The following AGL variants were observed in gnomAD, a reference collection of about 807,000 sequenced individuals.
AGL encodes amylo-alpha-1,6-glucosidase and 4-alpha-glucanotransferase.
A neutral mutation model predicts 199.3 loss-of-function variants in AGL; 128 were observed. The ratio of observed to expected loss-of-function variants is 0.64; its 90% confidence interval spans 0.56 to 0.74. The LOEUF (loss-of-function observed/expected upper bound fraction) is 0.74. Among genes scored for constraint, AGL ranks in the 30% least tolerant of loss-of-function variants. AGL has a pLI of 0.00. For missense variants in AGL, 1,809 were observed against 1,820.8 expected, an observed-to-expected ratio of 0.99 and a Z score of 0.12; for synonymous variants, 584 against 594.7, an observed-to-expected ratio of 0.98 and a Z score of 0.26.
At position 99,884,386 on chromosome 1, in the gene AGL, G is replaced by C. The variant is rs1323938645; in HGVS notation, c.2481G>C (p.Gly827=). 6 of 1,612,838 alleles carry C rather than the reference G, an allele frequency of 3.7e-6. No homozygotes were observed. Among genetic ancestry groups the C allele is most frequent in the Non-Finnish European group, 4.2e-6 (5 of 1,179,510 alleles). Reference sequence around the variant, plus strand: ...AACAAGCTGGAGTTGCCACAAAAGGGCCCAATGAATATATTCAAGAAATAG... The same window carrying C: ...AACAAGCTGGAGTTGCCACAAAAGGCCCCAATGAATATATTCAAGAAATAG... ...IVKQAGVATK[G]PNEYIQEIEF... The change falls in exon 19 of 34, where the codon GGG becomes GGC. Residue 827 remains glycine (G), a synonymous_variant. Coordinates refer to ENST00000361915, the MANE Select transcript of AGL (RefSeq NM_000642.3).
intron 4 of AGL, 109 bp from the exon 5 acceptor site, chr1:99,864,277 G>T: frequency 1.0e-6 from 1 of 999,516 alleles, no homozygotes; most frequent in Non-Finnish European, 1.5e-6. Context: ...TAGCATGCTT[G>T]CCTTGCTATT....
chr1:99,854,720 C>T (rs368600220), intron 2 of AGL, among the ~76,000 whole-genome samples: 2 of 148,432 alleles, frequency 1.3e-5, no homozygotes, highest in African/African-American at 2.5e-5. Context: ...GCTGAGATTG[C>T]GCCACTGCAC....
In AGL at chr1:99,864,457, CAGTT is replaced by C. The variant is rs794727706; in HGVS notation, c.535_538del (p.Leu179AsnfsTer2). On this transcript the variant is annotated frameshift_variant, in exon 5 of 34. Coordinates refer to ENST00000361915, the MANE Select transcript of AGL (RefSeq NM_000642.3). LOFTEE classifies it high-confidence loss of function. Reference sequence around the variant, plus strand: ...TAGGTCATGCTACTCCCTTGCCAATCAGTTAGAATTAAATCCTGACTTTTCAAGA... The same window carrying C: ...TAGGTCATGCTACTCCCTTGCCAATCAGAATTAAATCCTGACTTTTCAAGA... 4 of 1,613,602 alleles carry C rather than the reference CAGTT, an allele frequency of 2.5e-6. No homozygotes were observed. Among genetic ancestry groups the C allele is most frequent in the Middle Eastern group, 3.3e-4 (2 of 6,080 alleles).
At chr1:99,891,857 C>T (rs1652924612) in intron 23 of AGL, 118 bp downstream of exon 23, 1 of 1,181,066 alleles carries the variant, frequency 8.5e-7, no homozygotes, top group Non-Finnish European at 1.3e-6. Flanking sequence ...ACTGAAAAGG[C>T]TTGTAGGTGG....
At chr1:99,866,087 A>G (rs1034738534) in intron 5 of AGL, among the ~76,000 whole-genome samples, 2 of 152,162 alleles carry the variant, frequency 1.3e-5, no homozygotes, top group Admixed American at 6.5e-5. Context: ...TGGCAACATA[A>G]TGAGACCCCC....
chr1:99,900,357 G>T (rs1201109833), intron 25 of AGL, among the ~76,000 whole-genome samples: 2 of 152,122 alleles, frequency 1.3e-5, no homozygotes, highest in African/African-American at 4.8e-5. Context: ...AGCTATGAGG[G>T]ACCTTAAAAA....
intron 23 of AGL, among the ~76,000 whole-genome samples, chr1:99,892,072 GA>G (rs755937107): frequency 6.6e-6 from 1 of 152,120 alleles, no homozygotes; most frequent in African/African-American, 2.4e-5. Context: ...TCAATTAGGA[GA>G]AAAAATTCCA....
intron 21 of AGL, among the ~76,000 whole-genome samples, chr1:99,889,102 T>C (rs1652679923): frequency 6.6e-6 from 1 of 152,090 alleles, no homozygotes; most frequent in Non-Finnish European, 1.5e-5. Context: ...CCCTGCAAAA[T>C]GGTACCTACC....
In AGL at chr1:99,921,676, A is replaced by C; in HGVS notation, c.*25A>C. On this transcript the variant is annotated 3_prime_UTR_variant, in exon 34 of 34. Coordinates refer to ENST00000361915, the MANE Select transcript of AGL (RefSeq NM_000642.3). ...GTTTATTACAGATATTAAGTATGCAATTACTTGTATTATAGGATGCAAGGT... is the reference window on the plus strand; with the variant it reads ...GTTTATTACAGATATTAAGTATGCACTTACTTGTATTATAGGATGCAAGGT... 6.7e-7 allele frequency: 1 copy of C among 1,502,006 alleles called. No homozygotes were observed. Among genetic ancestry groups the C allele is most frequent in the Non-Finnish European group, 9.3e-7 (1 of 1,079,308 alleles). 93.0% of individuals were successfully genotyped at this position (1,502,006 alleles called of 1,614,324 possible). A position where few individuals can be genotyped will look rare whatever the true frequency, so the allele number is the denominator to read the frequency against.
chr1:99,873,859 GT>G (rs1329063061), intron 7 of AGL, among the ~76,000 whole-genome samples: 1 of 151,956 alleles, frequency 6.6e-6, no homozygotes, highest in Non-Finnish European at 1.5e-5. Context: ...CCATTATTTT[GT>G]TTTTTTGTTC....
At position 99,856,294 on chromosome 1, in the gene AGL, CCCTTCCTTCCTT is replaced by C. The variant is rs1557741271; in HGVS notation, c.82+5174_82+5185del. Among the ~76,000 whole-genome samples, 60 of 127,980 alleles carry C rather than the reference CCCTTCCTTCCTT, an allele frequency of 4.7e-4. 1 individual carries two copies. The highest frequency in any genetic ancestry group is 1.7e-3 in the African/African-American group (58 of 33,762). 84.0% of individuals were successfully genotyped at this position (127,980 alleles called of 152,430 possible). A position where few individuals can be genotyped will look rare whatever the true frequency, so the allele number is the denominator to read the frequency against. ...GGGCTACAGAAAGAAAATATAACAT[CCCTTCCTTCCTT>C]CCTCCCTCCCTCCCTTCCTTCCTCC... On this transcript the variant is annotated intron_variant, in intron 2 of 33. Transcript: ENST00000361915.
At chr1:99,891,198 T>G (rs774090914) in intron 21 of AGL, 22 bp from the exon 22 acceptor site, 1 of 1,613,244 alleles carries the variant, frequency 6.2e-7, no homozygotes, top group South Asian at 1.1e-5. Context: ...TAATACAGCA[T>G]GACATGTCTC....
rs752434259 is a variant in AGL at position 99,881,642 on chromosome 1, T to C, written c.2259T>C (p.Asn753=). ...CTGTATCTAGAACTGCTTTCAGGAA[T>C]CCCAAGACTTCATTTTACAGCAAGG... ...VVAVSRTAFR[N]PKTSFYSKEV... Residue 753 remains asparagine (N), a synonymous_variant, in exon 17 of 34, where the codon AAT becomes AAC. Transcript: ENST00000361915. 3.1e-6 allele frequency: 5 copies of C among 1,614,026 alleles called. No homozygotes were observed. In the Admixed American group the frequency reaches 8.3e-5, roughly 27 times the overall value.
chr1:99,875,684 G>A (rs1651462151), intron 10 of AGL, among the ~76,000 whole-genome samples: 2 of 152,114 alleles, frequency 1.3e-5, no homozygotes, highest in African/African-American at 4.8e-5. Context: ...ATTATTTAAT[G>A]TTTCTGGAGG....
chr1:99,861,294 C>CAGCT, intron 2 of AGL: 1 of 1,416,966 alleles, frequency 7.1e-7, no homozygotes. Flanking sequence ...ACAGAGCAGA[C>CAGCT]AGCTCTATGA....
chr1:99,881,949 A>G (rs1010644223), intron 17 of AGL, among the ~76,000 whole-genome samples: 2 of 151,872 alleles, frequency 1.3e-5, no homozygotes, highest in African/African-American at 4.8e-5. Context: ...TCTCAGCATT[A>G]TGGTAACACC....
chr1:99,880,228 T>G (rs550982391), intron 13 of AGL, among the ~76,000 whole-genome samples, 182 bp downstream of exon 13: 1 of 152,332 alleles, frequency 6.6e-6, no homozygotes, highest in South Asian at 2.1e-4. Context: ...AATTTCTACT[T>G]TGGGGTAAGA....
At chr1:99,918,287 G>A (rs1295031531) in intron 33 of AGL, among the ~76,000 whole-genome samples, 4 of 151,990 alleles carry the variant, frequency 2.6e-5, no homozygotes, top group Admixed American at 6.6e-5. Flanking sequence ...TCATTTCAAC[G>A]TTGTAGTTTT....
intron 2 of AGL, among the ~76,000 whole-genome samples, chr1:99,855,526 C>T (rs1344039497): frequency 6.6e-6 from 1 of 152,114 alleles, no homozygotes. Context: ...TCAGGCCGAG[C>T]ACGGTGGCTT....
Sources: allele counts gnomAD v4.1 joint callset (sites outside exome capture counted in the v4.1 genomes callset), GRCh38; gene constraint gnomAD v4.1.1; transcripts MANE v1.5; gene names NCBI Gene and HGNC (gene_info 2026-07-23, HGNC 2026-07-21).